GCC2: variants seen among roughly 807,000 people sequenced by gnomAD.
The protein encoded by GCC2 is GRIP and coiled-coil domain-containing protein 2.
GCC2 carries 120 observed loss-of-function variants against 210.6 expected under a neutral mutation model. That is an observed-to-expected ratio of 0.57 (90% CI 0.49 to 0.66). GCC2 has a LOEUF of 0.66. Among genes scored for constraint, GCC2 ranks in the 30% least tolerant of loss-of-function variants. The probability of loss-of-function intolerance (pLI) is 0.00; values close to 1 mark genes in which losing one functional copy is unlikely to be tolerated. For missense variants in GCC2, 1,868 were observed against 1,871.9 expected (o/e 1.00, Z 0.04); for synonymous variants, 703 against 652.7 (o/e 1.08, Z -1.17).
chr2:108,485,641 T>A lies in GCC2; in HGVS notation c.3619T>A (p.Leu1207Ile). ...QETLQEEITS[L>I]QSSVQQYEEK... ...GAAATTATTTCTTGTGCTAGCTTCA[T>A]TACAGTCTTCAGTACAACAATATGA... is the stretch of plus-strand genomic sequence containing the variant. The change falls in exon 14 of 23, where the codon TTA becomes ATA. Residue 1207 changes from leucine (L) to isoleucine (I), a missense_variant. By Grantham distance (5) the Leu-to-Ile change is conservative. This residue lies in a region of GCC2 where 1,847 missense variants were observed against 1,765.2 expected (regional missense o/e 1.05). Coordinates refer to ENST00000309863, the MANE Select transcript of GCC2 (RefSeq NM_181453.4). 1 of 1,512,924 alleles carries A rather than the reference T, an allele frequency of 6.6e-7. No individual in the cohort carries two copies. The highest frequency in any genetic ancestry group is 8.9e-7 in the Non-Finnish European group (1 of 1,120,334). The allele number at this position is 1,512,924 out of a possible 1,614,324, so 93.7% of individuals were successfully genotyped here.
In GCC2 at chr2:108,472,006, GA is replaced by G; in HGVS notation, c.2680del (p.Ile894SerfsTer10). 6.2e-7 allele frequency: 1 copy of G among 1,600,264 alleles called. No individual in the cohort carries two copies. Among genetic ancestry groups the G allele is most frequent in the African/African-American group, 1.4e-5 (1 of 74,008 alleles). The part of the protein sequence containing the change: ...EEVSQTCSKS[E>X]IHNEKEKCFI... ...AGTATCTCAAACATGTAGCAAAAGT[GA>G]AATCCATAATGAAAAAGAAAAATGT... On this transcript the variant is annotated frameshift_variant, in exon 6 of 23. Transcript: ENST00000309863. LOFTEE classifies it high-confidence loss of function.
At chr2:108,479,056 G>A (rs981041002) in intron 9 of GCC2, among the ~76,000 whole-genome samples, 2 of 152,014 alleles carry the variant, frequency 1.3e-5, no homozygotes, top group Admixed American at 6.6e-5. Flanking sequence ...TTAGCTGGAC[G>A]TGGTGGCTGA....
intron 9 of GCC2, among the ~76,000 whole-genome samples, chr2:108,478,753 T>C (rs1391758690): frequency 6.6e-6 from 1 of 152,192 alleles, no homozygotes; most frequent in Non-Finnish European, 1.5e-5. Flanking sequence ...GGAACCAGAA[T>C]GAGTAAAAAT....
intron 7 of GCC2, chr2:108,473,289 A>G (rs2577621): frequency 0.22 from 33,824 of 152,882 alleles, 4,158 homozygotes; most frequent in African/African-American, 0.32. Context: ...CTAACAGCAT[A>G]GGAACTTAAC....
At chr2:108,450,829 G>A (rs1364283171) in intron 2 of GCC2, among the ~76,000 whole-genome samples, 199 bp from the exon 3 acceptor site, 1 of 152,150 alleles carries the variant, frequency 6.6e-6, no homozygotes, top group East Asian at 1.9e-4. Context: ...TTACAAGTGA[G>A]CCAAGATCGT....
chr2:108,495,532 C>T, intron 20 of GCC2, 47 bp downstream of exon 20: 2 of 1,309,910 alleles, frequency 1.5e-6, no homozygotes, highest in Non-Finnish European at 2.1e-6. Context: ...ATTTCACTGT[C>T]TTATTTAATT....
At position 108,485,840 on chromosome 2, in the gene GCC2, C is replaced by G. The variant is rs765421952; in HGVS notation, c.3724C>G (p.His1242Asp). 2.5e-6 allele frequency: 4 copies of G among 1,574,522 alleles called. No homozygotes were observed. Among genetic ancestry groups the G allele is most frequent in the Non-Finnish European group, 3.5e-6 (4 of 1,155,866 alleles). The part of the protein sequence containing the change: ...LADSKQAETD[H>D]LILQASLKGE... ...GATTCTCATTCTATAGGAAACTGAT[C>G]ACTTAATACTTCAAGCATCTTTAAA... Residue 1242 changes from histidine (H) to aspartate (D), a missense_variant, in exon 15 of 23, where the codon CAC (histidine) becomes GAC (aspartate). By Grantham distance (81) the His-to-Asp change is moderately conservative. Around this residue, in one of 3 missense-constraint regions of GCC2, gnomAD observed 1,847 missense variants for 1,765.2 expected, o/e 1.05. Transcript: ENST00000309863.
Position 108,470,848 on chromosome 2 carries a change from T to A in GCC2, c.1519T>A (p.Ser507Thr). 1 of 1,613,824 alleles carries A rather than the reference T, an allele frequency of 6.2e-7. No homozygotes were observed. The highest frequency in any genetic ancestry group is 8.5e-7 in the Non-Finnish European group (1 of 1,179,826). ...TGGAAAAATAAGTCAAGAGTTCGAA[T>A]CAATGAAGCAACAGCAAGCATCTGA... ...SAGKISQEFESMKQQQASDVH... is the reference protein window; with the variant it reads ...SAGKISQEFETMKQQQASDVH... The change falls in exon 6 of 23, where the codon TCA becomes ACA. Residue 507 changes from serine to threonine, a missense_variant. By Grantham distance (58) the Ser-to-Thr change is moderately conservative. This residue lies in a region of GCC2 where 1,847 missense variants were observed against 1,765.2 expected (regional missense o/e 1.05). Coordinates refer to ENST00000309863, the MANE Select transcript of GCC2 (RefSeq NM_181453.4).
chr2:108,491,407 T>G (rs1386567131), intron 18 of GCC2, among the ~76,000 whole-genome samples: 1 of 152,204 alleles, frequency 6.6e-6, no homozygotes, highest in Non-Finnish European at 1.5e-5. Flanking sequence ...AGATATTGTT[T>G]GAAAAAAATG....
intron 4 of GCC2, among the ~76,000 whole-genome samples, chr2:108,453,785 T>TAAC (rs969097397): frequency 1.4e-5 from 2 of 141,780 alleles, no homozygotes; most frequent in Non-Finnish European, 3.1e-5. Context: ...ACTCCGTTTT[T>TAAC]AAAAAAAAAA....
At chr2:108,483,316 C>A in intron 12 of GCC2, 150 bp downstream of exon 12, 1 of 530,974 alleles carries the variant, frequency 1.9e-6, no homozygotes, top group Non-Finnish European at 3.4e-6. Flanking sequence ...CTCCGCCTCC[C>A]GAGTTCAAGC....
At chr2:108,469,350 C>T (rs1478390759) in intron 5 of GCC2, 2 of 425,052 alleles carry the variant, frequency 4.7e-6, no homozygotes, top group Non-Finnish European at 8.3e-6. Flanking sequence ...GATTTTCACA[C>T]ATGACTAAAT....
chr2:108,450,881 C>CA lies in GCC2; in HGVS notation c.64-137dup, dbSNP rs537360874. 3.9e-3 allele frequency: 2,242 copies of CA among 568,258 alleles called. 2 individuals are homozygous for CA. The highest frequency in any genetic ancestry group is 0.01 in the South Asian group (462 of 44,252). 35.2% of individuals were successfully genotyped at this position (568,258 alleles called of 1,614,324 possible). On this transcript the variant is annotated intron_variant, in intron 2 of 22. Coordinates refer to ENST00000309863, the MANE Select transcript of GCC2 (RefSeq NM_181453.4). Reference sequence around the variant, plus strand: ...TGGGCAATAGAGCGAGACTCTGTCTCAAAAAAAAAATGTGGAACAAAGTAT... The same window carrying CA: ...TGGGCAATAGAGCGAGACTCTGTCTCAAAAAAAAAAATGTGGAACAAAGTAT...
chr2:108,508,077 T>C lies in GCC2; in HGVS notation c.*447T>C, dbSNP rs1683292752. 7.8e-6 allele frequency: 1 copy of C among 128,908 alleles called. No homozygotes were observed. Among genetic ancestry groups the C allele is most frequent in the South Asian group, 2.3e-4 (1 of 4,326 alleles). 8.0% of individuals were successfully genotyped at this position (128,908 alleles called of 1,614,324 possible). Reference sequence around the variant, plus strand: ...ACTTTGGGAGGCTGAGGCTGGAGAATTGCTTGAGGCTAGTGAGCTGTGACT... The same window carrying C: ...ACTTTGGGAGGCTGAGGCTGGAGAACTGCTTGAGGCTAGTGAGCTGTGACT... On this transcript the variant is annotated 3_prime_UTR_variant, in exon 23 of 23. Coordinates refer to ENST00000309863, the MANE Select transcript of GCC2 (RefSeq NM_181453.4).
intron 10 of GCC2, 96 bp from the exon 11 acceptor site, chr2:108,482,191 C>T: frequency 1.4e-6 from 1 of 712,506 alleles, no homozygotes; most frequent in Non-Finnish European, 2.4e-6. Flanking sequence ...TCATTTGTCA[C>T]ACTATGCCAA....
chr2:108,496,860 A>G, intron 20 of GCC2, 110 bp from the exon 21 acceptor site: 10 of 1,433,142 alleles, frequency 7.0e-6, no homozygotes, highest in Non-Finnish European at 9.4e-6. Context: ...AAGAAAGCAG[A>G]CCTATAAAAT....
In GCC2 at chr2:108,482,341, C is replaced by A. The variant is rs1196396069; in HGVS notation, c.3235C>A (p.Gln1079Lys). The stretch of plus-strand genomic sequence containing the variant: ...TCTCCTGGCTCGTATTGAGACATTA[C>A]AGTCTAATGCCAAATTATTAGAAGT... ...EDLLARIETL[Q>K]SNAKLLEVQI... is the part of the protein sequence containing the mutation. Residue 1079 changes from glutamine (Q) to lysine (K), a missense_variant, in exon 11 of 23, where the codon CAG becomes AAG. Around this residue, in one of 3 missense-constraint regions of GCC2, gnomAD observed 1,847 missense variants for 1,765.2 expected, o/e 1.05. Coordinates refer to ENST00000309863, the MANE Select transcript of GCC2 (RefSeq NM_181453.4). 1.9e-6 allele frequency: 3 copies of A among 1,576,768 alleles called. No individual in the cohort carries two copies. Among genetic ancestry groups the A allele is most frequent in the Non-Finnish European group, 1.7e-6 (2 of 1,147,038 alleles).
chr2:108,465,530 C>T (rs1680835831), intron 4 of GCC2, among the ~76,000 whole-genome samples: 1 of 152,172 alleles, frequency 6.6e-6, no homozygotes, highest in East Asian at 1.9e-4. Flanking sequence ...GCATCTCTAA[C>T]ATCCATTATA....
intron 2 of GCC2, chr2:108,450,053 A>G (rs574912988): frequency 3.9e-5 from 8 of 205,250 alleles, no homozygotes; most frequent in Non-Finnish European, 6.9e-5. Flanking sequence ...AAAGAGTTTA[A>G]TTAGTCCAGT....
Sources: gnomAD v4.1 joint callset for allele counts (sites outside exome capture counted in the v4.1 genomes callset) on GRCh38, gnomAD v4.1.1 for gene constraint, gnomAD v4.1.1 regional missense constraint, MANE v1.5 for transcripts, NCBI Gene and HGNC (gene_info 2026-07-23, HGNC 2026-07-21) for gene names.